CYP4F12: variants seen among roughly 807,000 people sequenced by gnomAD.
The protein encoded by CYP4F12 is cytochrome P450 family 4 subfamily F member 12.
A neutral mutation model predicts 56.5 loss-of-function variants in CYP4F12; 60 were observed. That is an observed-to-expected ratio of 1.06 (90% CI 0.86 to 1.32). The LOEUF is 1.32. Ranked by LOEUF, CYP4F12 falls within the 40% of genes most tolerant of loss-of-function variation. The pLI, the probability that CYP4F12 is intolerant of heterozygous loss-of-function variation, is 0.00. For synonymous variants in CYP4F12, 263 were observed against 264.9 expected (o/e 0.99, Z 0.07); for missense variants, 711 against 683.5 (o/e 1.04, Z -0.45).
chr19:15,696,619 C>T (rs987958525), intron 12 of CYP4F12, 107 bp downstream of exon 12: 15 of 1,348,770 alleles, frequency 1.1e-5, no homozygotes, highest in East Asian at 2.3e-5. Flanking sequence ...CCCTCCATTC[C>T]TTCACAGTTT....
At chr19:15,694,201 A>G (rs1208199976) in intron 9 of CYP4F12, among the ~76,000 whole-genome samples, 3 of 100,218 alleles carry the variant, frequency 3.0e-5, no homozygotes, top group African/African-American at 9.8e-5. Context: ...TGAACTTTAA[A>G]GTAGTTTTTT....
At chr19:15,691,098 T>C (rs764915427) in intron 9 of CYP4F12, among the ~76,000 whole-genome samples, 1 of 152,220 alleles carries the variant, frequency 6.6e-6, no homozygotes, top group Non-Finnish European at 1.5e-5. Flanking sequence ...TTTCCAATCA[T>C]TGGAGGTATG....
chr19:15,675,189 G>A (rs989024088), intron 2 of CYP4F12, among the ~76,000 whole-genome samples: 12 of 132,120 alleles, frequency 9.1e-5, no homozygotes, highest in Admixed American at 6.4e-4. Context: ...TTCAGAAGCC[G>A]TCCTTGGTAC....
chr19:15,678,306 G>A lies in CYP4F12; in HGVS notation c.244G>A (p.Ala82Thr). ...EGLKNSTQMS[A>T]TYSQGFTVWL... ...CTTGAAGAACTCGACCCAGATGTCG[G>A]CCACCTATTCCCAGGGCTTTACGGT... Residue 82 changes from alanine (A) to threonine (T), a missense_variant, in exon 3 of 13, where the codon GCC becomes ACC. Coordinates refer to ENST00000550308, the MANE Select transcript of CYP4F12 (RefSeq NM_023944.4). 6.2e-7 allele frequency: 1 copy of A among 1,614,164 alleles called. No homozygotes were observed. The highest frequency in any genetic ancestry group is 8.5e-7 in the Non-Finnish European group (1 of 1,180,030).
intron 2 of CYP4F12, among the ~76,000 whole-genome samples, chr19:15,675,949 G>A (rs2006899867): frequency 1.3e-5 from 2 of 152,184 alleles, no homozygotes; most frequent in African/African-American, 4.8e-5. Flanking sequence ...TGGATAATGT[G>A]ATGATGGAGG....
chr19:15,690,239 G>A (rs891675634), intron 9 of CYP4F12, among the ~76,000 whole-genome samples: 1 of 152,054 alleles, frequency 6.6e-6, no homozygotes, highest in African/African-American at 2.4e-5. Flanking sequence ...ATATGTTTAT[G>A]GGGTGCAATG....
At chr19:15,678,576 G>GAA in intron 3 of CYP4F12, 171 bp downstream of exon 3, 1 of 880,976 alleles carries the variant, frequency 1.1e-6, no homozygotes, top group Non-Finnish European at 1.7e-6. Flanking sequence ...CACCACTGGG[G>GAA]CTCCAAGAGG....
Position 15,674,966 on chromosome 19 carries a change from A to G in CYP4F12, c.198+1239A>G, listed in dbSNP as rs552509294. ...AGACAGGCTGCTCCCTGCATGGCCCATTTGCTTGTATCTGCCCATCTCTGG... is the reference window on the plus strand; with the variant it reads ...AGACAGGCTGCTCCCTGCATGGCCCGTTTGCTTGTATCTGCCCATCTCTGG... On this transcript the variant is annotated intron_variant, in intron 2 of 12. Transcript: ENST00000550308. Among the ~76,000 whole-genome samples, 13 of 152,112 alleles carry G rather than the reference A, an allele frequency of 8.5e-5. 1 individual carries two copies. The South Asian group carries it at 2.5e-3, about 29-fold the overall frequency.
In CYP4F12 at chr19:15,673,149, G is replaced by T. The variant is rs867967834; in HGVS notation, c.-2+14G>T. 4.3e-6 allele frequency: 2 copies of T among 460,360 alleles called. No homozygotes were observed. Among genetic ancestry groups the T allele is most frequent in the Non-Finnish European group, 8.6e-6 (2 of 233,378 alleles). The allele number at this position is 460,360 out of a possible 1,614,324, so 28.5% of individuals were successfully genotyped here. Reference sequence around the variant, plus strand: ...TCCCGACAGAAGGTACCAGGCTGGGGGTGGCAGGGCTGGAAGGTCCTGGCC... The same window carrying T: ...TCCCGACAGAAGGTACCAGGCTGGGTGTGGCAGGGCTGGAAGGTCCTGGCC... On this transcript the variant is annotated intron_variant, in intron 1 of 12. Transcript: ENST00000550308.
At chr19:15,681,609 T>G (rs1199427134) in intron 5 of CYP4F12, 1 of 152,228 alleles carries the variant, frequency 6.6e-6, no homozygotes, top group Non-Finnish European at 1.5e-5. Context: ...GGCATTAGGC[T>G]TAGGGAATCT....
intron 9 of CYP4F12, among the ~76,000 whole-genome samples, chr19:15,691,504 T>A (rs679837): frequency 0.29 from 43,664 of 151,974 alleles, 6,889 homozygotes; most frequent in African/African-American, 0.41. Context: ...TAAATTTAAA[T>A]TTTTTGTCCA....
intron 9 of CYP4F12, among the ~76,000 whole-genome samples, chr19:15,693,074 C>T (rs942997340): frequency 6.6e-6 from 1 of 151,898 alleles, no homozygotes. Context: ...ACTCCATTCC[C>T]TCCCCCCATC....
chr19:15,686,109 A>G (rs1441551240), intron 9 of CYP4F12, among the ~76,000 whole-genome samples: 1 of 152,170 alleles, frequency 6.6e-6, no homozygotes, highest in Non-Finnish European at 1.5e-5. Context: ...ATAGGCAAGG[A>G]TGGAGTTGAG....
rs138277223 is a variant in CYP4F12 at position 15,680,670 on chromosome 19, A to G, written c.525+151A>G. 356 of 1,013,204 alleles carry G rather than the reference A, an allele frequency of 3.5e-4. No homozygotes were observed. The African/African-American group carries it at 4.8e-3, about 14-fold the overall frequency. 62.8% of individuals were successfully genotyped at this position (1,013,204 alleles called of 1,614,324 possible). The stretch of plus-strand genomic sequence containing the variant: ...TTTCCTCATCTGTAAAATGGGGATG[A>G]TAATCCCTACTTGAAAGGTCATTTA... On this transcript the variant is annotated intron_variant, in intron 5 of 12. Transcript: ENST00000550308.
intron 9 of CYP4F12, among the ~76,000 whole-genome samples, chr19:15,693,518 C>T (rs61290969): frequency 0.29 from 38,778 of 134,972 alleles, 5,201 homozygotes; most frequent in African/African-American, 0.38. Flanking sequence ...TCATGTCCTT[C>T]GCCCACTTTT....
At chr19:15,673,506 C>T in intron 1 of CYP4F12, 23 bp from the exon 2 acceptor site, 1 of 1,610,666 alleles carries the variant, frequency 6.2e-7, no homozygotes, top group Non-Finnish European at 8.5e-7. Flanking sequence ...AGGTCCTCAC[C>T]CTGCATCCCC....
intron 9 of CYP4F12, among the ~76,000 whole-genome samples, chr19:15,692,742 C>T (rs1378325479): frequency 6.6e-6 from 1 of 151,956 alleles, no homozygotes; most frequent in African/African-American, 2.4e-5. Flanking sequence ...TGACGTAAGT[C>T]CCAGGGGCTA....
chr19:15,694,177 T>C (rs1411879732), intron 9 of CYP4F12, among the ~76,000 whole-genome samples: 1 of 149,194 alleles, frequency 6.7e-6, no homozygotes, highest in Non-Finnish European at 1.5e-5. Flanking sequence ...TGCGGGCTCC[T>C]TTTTGGTGCC....
intron 3 of CYP4F12, 166 bp downstream of exon 3, chr19:15,678,571 C>T: frequency 1.0e-6 from 1 of 965,592 alleles, no homozygotes; most frequent in Admixed American, 2.7e-5. Context: ...CTGGGCACCA[C>T]TGGGGCTCCA....
Sources: allele counts gnomAD v4.1 joint callset (sites outside exome capture counted in the v4.1 genomes callset), GRCh38; gene constraint gnomAD v4.1.1; transcripts MANE v1.5; gene names NCBI Gene and HGNC (gene_info 2026-07-23, HGNC 2026-07-21).